The following CAAP1 variants were observed in gnomAD, a reference collection of about 807,000 sequenced individuals.
CAAP1 encodes conserved anti-apoptotic protein.
CAAP1 carries 20 observed loss-of-function variants against 34.0 expected under a neutral mutation model. The ratio of observed to expected loss-of-function variants is 0.59; its 90% CI spans 0.41 to 0.86. The LOEUF (loss-of-function observed/expected upper bound fraction) is 0.86. CAAP1 is among the 40% of genes least tolerant of loss of function. The pLI is 0.00. For synonymous variants in CAAP1, 213 were observed against 166.7 expected (o/e 1.28, Z -2.14); for missense variants, 538 against 450.5 (o/e 1.19, Z -1.76).
chr9:26,875,510 T>C (rs897501066), intron 4 of CAAP1, among the ~76,000 whole-genome samples: 2 of 152,234 alleles, frequency 1.3e-5, no homozygotes, highest in African/African-American at 4.8e-5. Flanking sequence ...ATAACACAGA[T>C]TGCTTTAATC....
At chr9:26,891,964 T>C (rs1483273863) in intron 1 of CAAP1, among the ~76,000 whole-genome samples, 1 of 152,198 alleles carries the variant, frequency 6.6e-6, no homozygotes, top group Non-Finnish European at 1.5e-5. Flanking sequence ...GATTCAAACC[T>C]AGGAGCTATT....
At chr9:26,855,455 G>A (rs1822848389) in intron 5 of CAAP1, among the ~76,000 whole-genome samples, 1 of 152,072 alleles carries the variant, frequency 6.6e-6, no homozygotes, top group Admixed American at 6.6e-5. Flanking sequence ...ACAACACAAA[G>A]GTTAAGCCCT....
At chr9:26,857,410 T>A (rs1406331813) in intron 5 of CAAP1, among the ~76,000 whole-genome samples, 1 of 152,212 alleles carries the variant, frequency 6.6e-6, no homozygotes, top group Non-Finnish European at 1.5e-5. Context: ...GGTGGGTGGA[T>A]CACCTGAGGT....
intron 4 of CAAP1, among the ~76,000 whole-genome samples, chr9:26,863,920 T>TA (rs2131313565): frequency 6.6e-6 from 1 of 152,162 alleles, no homozygotes; most frequent in Admixed American, 6.6e-5. Flanking sequence ...GCCTCCCAAG[T>TA]AGCTAGGGCT....
chr9:26,870,808 G>A (rs1823257272), intron 4 of CAAP1, among the ~76,000 whole-genome samples: 1 of 151,894 alleles, frequency 6.6e-6, no homozygotes, highest in Non-Finnish European at 1.5e-5. Flanking sequence ...GAAGAGATGG[G>A]GTTTCACCAT....
chr9:26,841,605 T>C lies in CAAP1; in HGVS notation c.*696A>G, dbSNP rs983429144. 8.5e-5 allele frequency: 13 copies of C among 152,570 alleles called. No homozygotes were observed. The highest frequency in any genetic ancestry group is 3.1e-4 in the African/African-American group (13 of 41,468). 9.5% of individuals were successfully genotyped at this position (152,570 alleles called of 1,614,324 possible). A position where few individuals can be genotyped will look rare whatever the true frequency, so the allele number is the denominator to read the frequency against. Reference sequence around the variant, plus strand: ...ATTTCCTGACAGCTTGGAATGTAAATGAAAACTTGTTCCATTTTTATTAAA... The same window carrying C: ...ATTTCCTGACAGCTTGGAATGTAAACGAAAACTTGTTCCATTTTTATTAAA... On this transcript the variant is annotated 3_prime_UTR_variant, in exon 6 of 6. Transcript: ENST00000333916.
At chr9:26,876,509 T>G (rs530385688) in intron 4 of CAAP1, among the ~76,000 whole-genome samples, 1 of 151,462 alleles carries the variant, frequency 6.6e-6, no homozygotes, top group Non-Finnish European at 1.5e-5. Flanking sequence ...CTTAAAACTT[T>G]CTATATAAAT....
At position 26,842,497 on chromosome 9, in the gene CAAP1, T is replaced by G; in HGVS notation, c.890A>C (p.Asp297Ala). The G allele has an allele frequency of 6.2e-7, 1 of 1,614,200 alleles. No individual in the cohort carries two copies. The highest frequency in any genetic ancestry group is 8.5e-7 in the Non-Finnish European group (1 of 1,180,042). ...AATCTCATTCACACTTTTCTCAATGTCTTTCTCCAGGTCATCTATCTGACC... is the reference window on the plus strand; with the variant it reads ...AATCTCATTCACACTTTTCTCAATGGCTTTCTCCAGGTCATCTATCTGACC... The part of the protein sequence containing the change: ...EAGQIDDLEK[D>A]IEKSVNEILG... The change falls in exon 6 of 6, where the codon GAC (aspartate) becomes GCC (alanine). Residue 297 changes from aspartate to alanine, a missense_variant. Transcript: ENST00000333916.
chr9:26,860,519 G>A (rs544084092), intron 5 of CAAP1, among the ~76,000 whole-genome samples: 51 of 152,280 alleles, frequency 3.3e-4, no homozygotes, highest in African/African-American at 1.2e-3. Flanking sequence ...TAGGCCGGGC[G>A]TGGTGGCTCA....
chr9:26,887,829 C>A (rs1189910537), intron 1 of CAAP1, among the ~76,000 whole-genome samples: 1 of 152,078 alleles, frequency 6.6e-6, no homozygotes, highest in Admixed American at 6.5e-5. Context: ...CCCTAAAAGG[C>A]CATTCACCCA....
chr9:26,876,183 C>T (rs1823423075), intron 4 of CAAP1, among the ~76,000 whole-genome samples: 1 of 152,152 alleles, frequency 6.6e-6, no homozygotes, highest in Admixed American at 6.5e-5. Flanking sequence ...TATTCCCTGG[C>T]TTGTGGATCC....
In CAAP1 at chr9:26,861,128, C is replaced by T; in HGVS notation, c.677G>A (p.Cys226Tyr). 6.2e-7 allele frequency: 1 copy of T among 1,609,054 alleles called. No individual in the cohort carries two copies. The highest frequency in any genetic ancestry group is 8.5e-7 in the Non-Finnish European group (1 of 1,176,142). Residue 226 changes from cysteine to tyrosine, a missense_variant, in exon 5 of 6, where the codon TGT becomes TAT. Cys to Tyr is a radical substitution (Grantham distance 194). Coordinates refer to ENST00000333916, the MANE Select transcript of CAAP1 (RefSeq NM_024828.4). ...TCTCACGGATGAAGCAGAATCTATA[C>T]AGATGTCTTGCCTGGGAAATGAAAA... is the stretch of plus-strand genomic sequence containing the variant. ...GSDLVSQQDI[C>Y]IDSASSVREN... is the part of the protein sequence containing the mutation.
chr9:26,884,209 C>T (rs556008629), intron 4 of CAAP1, among the ~76,000 whole-genome samples: 2 of 152,204 alleles, frequency 1.3e-5, no homozygotes, highest in South Asian at 4.1e-4. Flanking sequence ...TCAATAGATG[C>T]TCAAATTAAA....
intron 4 of CAAP1, among the ~76,000 whole-genome samples, chr9:26,876,472 GTTTT>G (rs60742949): frequency 0.014 from 1,816 of 125,720 alleles, 43 homozygotes; most frequent in African/African-American, 0.049. Context: ...ATTCTAGAAG[GTTTT>G]TTTTTTTTTT....
intron 5 of CAAP1, among the ~76,000 whole-genome samples, chr9:26,860,728 T>C (rs1822984402): frequency 6.6e-6 from 1 of 152,048 alleles, no homozygotes; most frequent in Admixed American, 6.6e-5. Flanking sequence ...GAGGCTGAGC[T>C]TGCAGTGAGC....
rs1382604365 is a variant in CAAP1, at chr9:26,840,794, A to G, written c.*1507T>C. ...AGTATTTTGTAGTTAGTAAGCAGCA[A>G]TAAAGTTTATTCTGTACTACTTTAG... On this transcript the variant is annotated 3_prime_UTR_variant, in exon 6 of 6. Coordinates refer to ENST00000333916, the MANE Select transcript of CAAP1 (RefSeq NM_024828.4). 1 of 152,222 alleles carries G rather than the reference A, an allele frequency of 6.6e-6. No individual in the cohort carries two copies. The highest frequency in any genetic ancestry group is 1.9e-4 in the East Asian group (1 of 5,194). 9.4% of individuals were successfully genotyped at this position (152,222 alleles called of 1,614,324 possible).
At chr9:26,854,015 C>G (rs548186041) in intron 5 of CAAP1, among the ~76,000 whole-genome samples, 1 of 152,050 alleles carries the variant, frequency 6.6e-6, no homozygotes, top group Non-Finnish European at 1.5e-5. Context: ...TTTCTTCAAA[C>G]CAAAGGGCAC....
chr9:26,848,359 A>C (rs1822665483), intron 5 of CAAP1, among the ~76,000 whole-genome samples: 1 of 151,856 alleles, frequency 6.6e-6, no homozygotes, highest in Non-Finnish European at 1.5e-5. Flanking sequence ...CAAAAAATAC[A>C]AAAAAAATTA....
intron 1 of CAAP1, 51 bp downstream of exon 1, chr9:26,892,362 C>A: frequency 6.3e-7 from 1 of 1,592,634 alleles, no homozygotes; most frequent in Non-Finnish European, 8.5e-7. Context: ...AGCCCGACTT[C>A]TTCCGAAAAA....
Sources: allele counts gnomAD v4.1 joint callset (sites outside exome capture counted in the v4.1 genomes callset), GRCh38; gene constraint gnomAD v4.1.1; transcripts MANE v1.5; gene names NCBI Gene and HGNC (gene_info 2026-07-23, HGNC 2026-07-21).